CSMD1: variants seen among roughly 807,000 people sequenced by gnomAD.
CSMD1 encodes the protein CUB and sushi domain-containing protein 1.
Under a neutral mutation model 417.5 loss-of-function variants are expected in CSMD1, and 213 were observed. That is an observed-to-expected ratio of 0.51 (90% CI 0.46 to 0.57). The LOEUF (loss-of-function observed/expected upper bound fraction) is 0.57. Among genes scored for constraint, CSMD1 ranks in the 20% least tolerant of loss-of-function variants. The pLI is 0.00. For missense variants in CSMD1, 6,923 were observed against 4,529.7 expected, an observed-to-expected ratio of 1.53 and a Z score of -15.17; for synonymous variants, 2,862 against 1,736.8, an observed-to-expected ratio of 1.65 and a Z score of -16.11.
At chr8:4,301,153 T>C (rs766042564) in intron 3 of CSMD1, among the ~76,000 whole-genome samples, 1 of 152,138 alleles carries the variant, frequency 6.6e-6, no homozygotes, top group Non-Finnish European at 1.5e-5. Flanking sequence ...GGAGCATTGT[T>C]GTGATGGAAA....
intron 3 of CSMD1, among the ~76,000 whole-genome samples, chr8:4,320,674 A>G (rs1337220946): frequency 6.6e-6 from 1 of 152,140 alleles, no homozygotes; most frequent in African/African-American, 2.4e-5. Context: ...GATGTCCTGC[A>G]AAGGACATGA....
At chr8:4,246,512 C>T (rs1051319684) in intron 3 of CSMD1, among the ~76,000 whole-genome samples, 4 of 152,044 alleles carry the variant, frequency 2.6e-5, no homozygotes, top group African/African-American at 9.7e-5. Flanking sequence ...AATTGTAAGA[C>T]CCTTGTGAAA....
intron 7 of CSMD1, among the ~76,000 whole-genome samples, chr8:3,638,610 C>G (rs980566275): frequency 6.6e-6 from 1 of 152,202 alleles, no homozygotes; most frequent in Non-Finnish European, 1.5e-5. Flanking sequence ...TGCTACCTTT[C>G]TCCTGCCCAG....
intron 3 of CSMD1, among the ~76,000 whole-genome samples, chr8:4,186,921 A>G (rs1049561772): frequency 2.6e-5 from 4 of 152,022 alleles, no homozygotes; most frequent in African/African-American, 7.2e-5. Flanking sequence ...ACCTGAACCC[A>G]CGAGGCAGAG....
intron 5 of CSMD1, among the ~76,000 whole-genome samples, chr8:3,907,305 G>T (rs2688292): frequency 0.9 from 137,646 of 152,244 alleles, 62,374 homozygotes; most frequent in East Asian, 0.97. Flanking sequence ...AGACATTAAC[G>T]TGGATGGTAC....
At chr8:3,982,907 C>T (rs1813993878) in intron 5 of CSMD1, among the ~76,000 whole-genome samples, 1 of 152,126 alleles carries the variant, frequency 6.6e-6, no homozygotes, top group Non-Finnish European at 1.5e-5. Flanking sequence ...TTTACAATAA[C>T]TTTGAAAAAT....
chr8:3,882,014 G>A (rs112189884), intron 5 of CSMD1, among the ~76,000 whole-genome samples: 1 of 152,132 alleles, frequency 6.6e-6, no homozygotes, highest in African/African-American at 2.4e-5. Flanking sequence ...TACGATGTCT[G>A]ATGATGCAAC....
Position 3,602,020 on chromosome 8 carries a change from G to C in CSMD1, c.1097+14690C>G, listed in dbSNP as rs960777511. ...GAGGATGGGAAGTTATGGCTTTATG[G>C]GTATGGAGTTTCAGTTTTGCAGGAT... On this transcript the variant is annotated intron_variant, in intron 8 of 69. Coordinates refer to ENST00000635120, the MANE Select transcript of CSMD1 (RefSeq NM_033225.6). Among the ~76,000 whole-genome samples, 7 of 152,192 alleles carry C rather than the reference G, an allele frequency of 4.6e-5. No individual in the cohort carries two copies. The East Asian group carries it at 7.7e-4, about 17-fold the overall frequency.
intron 5 of CSMD1, among the ~76,000 whole-genome samples, chr8:3,844,672 C>G (rs1189820798): frequency 1.3e-5 from 2 of 152,110 alleles, no homozygotes; most frequent in Non-Finnish European, 2.9e-5. Context: ...TATTTGAATT[C>G]ATCATTGTCG....
At chr8:4,035,285 A>G (rs181513863) in intron 3 of CSMD1, among the ~76,000 whole-genome samples, 15 of 152,320 alleles carry the variant, frequency 9.8e-5, no homozygotes, top group African/African-American at 3.6e-4. Context: ...AGCACATACA[A>G]TTAGGTTCAC....
intron 6 of CSMD1, among the ~76,000 whole-genome samples, chr8:3,738,084 C>T (rs1430255556): frequency 6.6e-6 from 1 of 152,204 alleles, no homozygotes; most frequent in Non-Finnish European, 1.5e-5. Flanking sequence ...ACTATAGTCT[C>T]TTTCCATTAG....
chr8:3,937,304 A>T (rs564244861), intron 5 of CSMD1, among the ~76,000 whole-genome samples: 1 of 152,338 alleles, frequency 6.6e-6, no homozygotes, highest in Admixed American at 6.5e-5. Context: ...TCCTGTAGGT[A>T]TAATGCTTCT....
intron 2 of CSMD1, among the ~76,000 whole-genome samples, chr8:4,544,493 G>C (rs1401975684): frequency 6.6e-6 from 1 of 151,762 alleles, no homozygotes; most frequent in East Asian, 1.9e-4. Context: ...TTTTATTTTA[G>C]CTAATATATG....
At chr8:4,011,826 C>T (rs1212176318) in intron 4 of CSMD1, among the ~76,000 whole-genome samples, 2 of 152,220 alleles carry the variant, frequency 1.3e-5, no homozygotes, top group East Asian at 3.9e-4. Flanking sequence ...AATATGTGCA[C>T]AGTCATCTTT....
intron 5 of CSMD1, among the ~76,000 whole-genome samples, chr8:3,765,020 C>T (rs1584962343): frequency 6.6e-6 from 1 of 152,020 alleles, no homozygotes. Context: ...TCTGGGATTA[C>T]AGGCATGACC....
intron 5 of CSMD1, among the ~76,000 whole-genome samples, chr8:3,821,982 C>G (rs7007070): frequency 6.6e-6 from 1 of 152,050 alleles, no homozygotes; most frequent in Non-Finnish European, 1.5e-5. Flanking sequence ...CCTTCACATT[C>G]TTTGCTCTGG....
At chr8:4,200,738 T>C (rs59781912) in intron 3 of CSMD1, among the ~76,000 whole-genome samples, 2,970 of 152,240 alleles carry the variant, frequency 0.02, 96 homozygotes, top group African/African-American at 0.068. Flanking sequence ...TGTGTGTATC[T>C]GTAGTCCCAA....
chr8:3,787,862 A>C (rs1363056898), intron 5 of CSMD1, among the ~76,000 whole-genome samples: 1 of 152,220 alleles, frequency 6.6e-6, no homozygotes, highest in African/African-American at 2.4e-5. Context: ...GTTCTATCAC[A>C]AAATAGTATA....
At chr8:4,279,266 CTT>C (rs1796651520) in intron 3 of CSMD1, among the ~76,000 whole-genome samples, 1 of 152,114 alleles carries the variant, frequency 6.6e-6, no homozygotes, top group African/African-American at 2.4e-5. Context: ...TTTTGAAACA[CTT>C]ATATTTAGTG....
Sources: allele counts gnomAD v4.1 joint callset (sites outside exome capture counted in the v4.1 genomes callset), GRCh38; gene constraint gnomAD v4.1.1; transcripts MANE v1.5; gene names NCBI Gene and HGNC (gene_info 2026-07-23, HGNC 2026-07-21).